The following PHEX variants were observed in gnomAD, a reference collection of about 807,000 sequenced individuals.
PHEX encodes the protein phosphate regulating endopeptidase X-linked, also known as phosphate-regulating neutral endopeptidase PHEX.
In PHEX, 16 loss-of-function variants were observed where a neutral mutation model predicts 68.0. The observed-to-expected ratio is 0.24, with a 90% confidence interval of 0.16 to 0.36. The LOEUF (loss-of-function observed/expected upper bound fraction) is 0.36. PHEX is among the 10% of genes least tolerant of loss of function. The pLI is 1.00. For missense variants in PHEX, 480 were observed against 575.5 expected (o/e 0.83, Z 1.70); for synonymous variants, 208 against 205.1 (o/e 1.01, Z -0.12).
intron 20 of PHEX, among the ~76,000 whole-genome samples, chrX:22,233,672 G>A (rs757650468): frequency 2.7e-5 from 3 of 110,972 alleles, no homozygotes; most frequent in African/African-American, 9.8e-5. Flanking sequence ...GGTCATTTGT[G>A]TTCTCCTCTA....
chrX:22,126,707 G>A (rs892141566), intron 11 of PHEX, among the ~76,000 whole-genome samples: 1 of 110,622 alleles, frequency 9.0e-6, no homozygotes, highest in Non-Finnish European at 1.9e-5. Context: ...GGTGTCTGAT[G>A]TAGAACTCTA....
chrX:22,156,292 TA>T (rs1446354938), intron 12 of PHEX, among the ~76,000 whole-genome samples: 1 of 110,533 alleles, frequency 9.0e-6, no homozygotes. Context: ...TCTGTTTATG[TA>T]AGTTCTCATC....
In PHEX at chrX:22,238,235, C is replaced by T. The variant is rs562131778; in HGVS notation, c.2071-7098C>T. Among the ~76,000 whole-genome samples, 16 of 112,397 alleles carry T rather than the reference C, an allele frequency of 1.4e-4. No individual in the cohort carries two copies. The South Asian group carries it at 3.7e-3, about 26-fold the overall frequency. On this transcript the variant is annotated intron_variant, in intron 20 of 21. Coordinates refer to ENST00000379374, the MANE Select transcript of PHEX (RefSeq NM_000444.6). ...TTTCTGCATTTCCAACTGAGGTACC[C>T]GGTTCATCTCACTGGGACTGGTTGG...
chrX:22,216,512 T>C (rs1323163511), intron 16 of PHEX, among the ~76,000 whole-genome samples: 2 of 107,314 alleles, frequency 1.9e-5, no homozygotes, highest in African/African-American at 6.8e-5. Context: ...TATTTATTTA[T>C]TTATTTATTT....
rs1390166742 is a variant in PHEX at position 22,250,108 on chromosome X, A to G, written c.*2155A>G. On this transcript the variant is annotated 3_prime_UTR_variant, in exon 22 of 22. Coordinates refer to ENST00000379374, the MANE Select transcript of PHEX (RefSeq NM_000444.6). ...TAGGTAGGATGTCCATTACTCAAAC[A>G]AAGCAGAACAAAACAACAAACCAAA... 1 of 112,160 alleles carries G rather than the reference A, an allele frequency of 8.9e-6. No homozygotes were observed. Among genetic ancestry groups the G allele is most frequent in the Non-Finnish European group, 1.9e-5 (1 of 53,245 alleles). The allele number at this position is 112,160 out of a possible 1,213,427, so 9.2% of individuals were successfully genotyped here.
chrX:22,041,265 C>CTATATATATATA (rs556410356), intron 2 of PHEX, among the ~76,000 whole-genome samples: 5 of 72,823 alleles, frequency 6.9e-5, no homozygotes, highest in Non-Finnish European at 9.7e-5. Flanking sequence ...CTCTCTCTCT[C>CTATATATATATA]TATATATATA....
intron 13 of PHEX, among the ~76,000 whole-genome samples, chrX:22,175,069 T>A (rs182669357): frequency 1.8e-5 from 2 of 111,779 alleles, no homozygotes; most frequent in East Asian, 5.6e-4. Context: ...CCCAAACACT[T>A]AACCTGTCTC....
intron 5 of PHEX, among the ~76,000 whole-genome samples, chrX:22,088,679 A>G (rs1929724456): frequency 9.0e-6 from 1 of 111,104 alleles, no homozygotes; most frequent in Admixed American, 9.6e-5. Flanking sequence ...AGTTTTGAGG[A>G]ATCTTTATGT....
In PHEX at chrX:22,033,030, G is replaced by A. The variant is rs1222346086; in HGVS notation, c.25G>A (p.Val9Met). 1.1e-5 allele frequency: 13 copies of A among 1,205,685 alleles called. No individual in the cohort carries two copies. Among genetic ancestry groups the A allele is most frequent in the African/African-American group, 1.1e-4 (6 of 56,639 alleles). The change falls in exon 1 of 22, where the codon GTG becomes ATG. Residue 9 changes from valine (V) to methionine (M), a missense_variant. Physicochemically the swap from Val to Met is conservative, Grantham distance 21. Transcript: ENST00000379374. ...GATGGAAGCAGAAACAGGGAGCAGC[G>A]TGGAGACTGGAAAGAAGGCCAACAG... Reference protein sequence around the residue: MEAETGSSVETGKKANRGT... With the variant: MEAETGSSMETGKKANRGT...
intron 13 of PHEX, among the ~76,000 whole-genome samples, chrX:22,176,318 T>G (rs917938600): frequency 1.6e-4 from 16 of 101,412 alleles, no homozygotes; most frequent in Non-Finnish European, 3.2e-4. Context: ...ACCTGGGAGG[T>G]AGAGGTTGCA....
At chrX:22,052,351 C>A (rs1927875490) in intron 3 of PHEX, among the ~76,000 whole-genome samples, 1 of 111,794 alleles carries the variant, frequency 8.9e-6, no homozygotes, top group South Asian at 3.8e-4. Context: ...CCTCAGCCTC[C>A]CAAGTAGCTG....
chrX:22,058,762 C>T (rs896557281), intron 3 of PHEX, among the ~76,000 whole-genome samples: 19 of 112,076 alleles, frequency 1.7e-4, no homozygotes, highest in Non-Finnish European at 2.8e-4. Flanking sequence ...CCTCTTACGC[C>T]GCTCTAGAGC....
At chrX:22,189,551 AC>A (rs1355528699) in intron 14 of PHEX, among the ~76,000 whole-genome samples, 1 of 111,735 alleles carries the variant, frequency 8.9e-6, no homozygotes, top group Admixed American at 9.5e-5. Flanking sequence ...AGCCTGGCCA[AC>A]ATGCCGAAAC....
intron 5 of PHEX, among the ~76,000 whole-genome samples, chrX:22,084,046 A>T (rs1310408332): frequency 8.9e-6 from 1 of 112,008 alleles, no homozygotes; most frequent in African/African-American, 3.2e-5. Context: ...TCATAAAGGG[A>T]TGTTGAATTT....
intron 15 of PHEX, among the ~76,000 whole-genome samples, chrX:22,202,792 A>G (rs908329091): frequency 1.4e-4 from 16 of 111,603 alleles, no homozygotes; most frequent in Non-Finnish European, 2.4e-4. Context: ...TGAGTAGAAT[A>G]TGAGACACCG....
At chrX:22,078,822 C>A (rs1014246263) in intron 5 of PHEX, among the ~76,000 whole-genome samples, 20 of 111,729 alleles carry the variant, frequency 1.8e-4, no homozygotes, top group African/African-American at 6.5e-4. Context: ...CTAGGTTAGA[C>A]AATGGAATTC....
intron 11 of PHEX, among the ~76,000 whole-genome samples, chrX:22,122,302 C>T (rs957188816): frequency 6.3e-5 from 7 of 110,922 alleles, no homozygotes; most frequent in Non-Finnish European, 9.4e-5. Flanking sequence ...ACTAAATGCC[C>T]GTTTCTGTTT....
At chrX:22,117,047 T>A (rs926275273) in intron 11 of PHEX, among the ~76,000 whole-genome samples, 5 of 111,940 alleles carry the variant, frequency 4.5e-5, no homozygotes, top group Admixed American at 9.5e-5. Context: ...TTAGATTAAG[T>A]AAACTTACTG....
rs1200240339 is a variant in PHEX at position 22,246,186 on chromosome X, A to G, written c.2147+777A>G. Among the ~76,000 whole-genome samples, 6 of 111,958 alleles carry G rather than the reference A, an allele frequency of 5.4e-5. No individual in the cohort carries two copies. In the South Asian group the frequency reaches 1.9e-3, roughly 35 times the overall value. On this transcript the variant is annotated intron_variant, in intron 21 of 21. Transcript: ENST00000379374. ...TAAGTACAAATAAAATTAAAAGTTA[A>G]TATTACTCACCCTGTACTCGGTCGT...
Sources: gnomAD v4.1 joint callset for allele counts (sites outside exome capture counted in the v4.1 genomes callset) on GRCh38, gnomAD v4.1.1 for gene constraint, MANE v1.5 for transcripts, NCBI Gene and HGNC (gene_info 2026-07-23, HGNC 2026-07-21) for gene names.